The following TGS1 variants were observed in gnomAD, a reference collection of about 807,000 sequenced individuals.
TGS1 encodes the protein trimethylguanosine synthase 1.
TGS1 carries 69 observed loss-of-function variants against 92.2 expected under a neutral mutation model. That is an observed-to-expected ratio of 0.75 (90% confidence interval 0.62 to 0.91). The LOEUF is 0.91. Among genes scored for constraint, TGS1 ranks in the 40% least tolerant of loss-of-function variants. The pLI is 0.00. For missense variants in TGS1, 1,062 were observed against 1,001.2 expected (o/e 1.06, Z -0.82); for synonymous variants, 345 against 338.1 (o/e 1.02, Z -0.22).
intron 1 of TGS1, among the ~76,000 whole-genome samples, chr8:55,778,828 T>A (rs1012346726): frequency 1.3e-5 from 2 of 152,232 alleles, no homozygotes; most frequent in African/African-American, 4.8e-5. Flanking sequence ...ACTTCAGATA[T>A]TGCTAAGAAT....
chr8:55,816,163 CCTTT>C (rs1165434308), intron 12 of TGS1, among the ~76,000 whole-genome samples: 1 of 152,066 alleles, frequency 6.6e-6, no homozygotes, highest in East Asian at 1.9e-4. Context: ...GCCATGCTTT[CCTTT>C]CTTTCTTTCC....
chr8:55,799,325 T>C, intron 8 of TGS1, 105 bp downstream of exon 8: 1 of 1,069,092 alleles, frequency 9.4e-7, no homozygotes, highest in South Asian at 1.7e-5. Flanking sequence ...ACCTAAGGAG[T>C]CACTGCTACT....
At chr8:55,795,813 T>C (rs954815987) in intron 6 of TGS1, among the ~76,000 whole-genome samples, 165 bp from the exon 7 acceptor site, 2 of 152,196 alleles carry the variant, frequency 1.3e-5, no homozygotes, top group Non-Finnish European at 2.9e-5. Context: ...AGTTAGACCA[T>C]CAACTCTTCT....
chr8:55,785,535 G>A (rs1212112453), intron 2 of TGS1, among the ~76,000 whole-genome samples, 184 bp from the exon 3 acceptor site: 1 of 152,042 alleles, frequency 6.6e-6, no homozygotes, highest in Non-Finnish European at 1.5e-5. Flanking sequence ...CCTGCAGATA[G>A]CCCTTATACT....
intron 7 of TGS1, among the ~76,000 whole-genome samples, chr8:55,797,157 G>T (rs1428889335): frequency 5.3e-5 from 8 of 152,172 alleles, no homozygotes; most frequent in Non-Finnish European, 4.4e-5. Context: ...TCACAGTTCT[G>T]CAGGGCTGGG....
chr8:55,816,167 T>TA (rs1803472232), intron 12 of TGS1, among the ~76,000 whole-genome samples: 2 of 152,262 alleles, frequency 1.3e-5, no homozygotes, highest in East Asian at 3.9e-4. Flanking sequence ...TGCTTTCCTT[T>TA]CTTTCTTTCC....
chr8:55,800,777 G>A (rs1307269172), intron 8 of TGS1, among the ~76,000 whole-genome samples: 3 of 152,186 alleles, frequency 2.0e-5, no homozygotes, highest in Non-Finnish European at 4.4e-5. Flanking sequence ...GAATCATGAT[G>A]ACACTTTTTA....
intron 8 of TGS1, among the ~76,000 whole-genome samples, chr8:55,801,826 C>T (rs1211958314): frequency 6.6e-6 from 1 of 152,030 alleles, no homozygotes; most frequent in African/African-American, 2.4e-5. Context: ...TGACCTGCCT[C>T]AGCCTCCCAA....
At chr8:55,814,430 A>G (rs1803416973) in intron 12 of TGS1, among the ~76,000 whole-genome samples, 3 of 152,018 alleles carry the variant, frequency 2.0e-5, no homozygotes, top group Admixed American at 2.0e-4. Context: ...TCTTATTGTT[A>G]AGCAATGAAA....
chr8:55,802,820 T>G (rs1322160023), intron 9 of TGS1, among the ~76,000 whole-genome samples: 1 of 152,208 alleles, frequency 6.6e-6, no homozygotes, highest in Non-Finnish European at 1.5e-5. Context: ...CTCATACTTC[T>G]TAATACTTTA....
chr8:55,773,753 C>T (rs1811289888), intron 1 of TGS1, 34 bp downstream of exon 1: 2 of 1,534,728 alleles, frequency 1.3e-6, no homozygotes, highest in East Asian at 4.6e-5. Flanking sequence ...CATGTTCTAG[C>T]ACAGTCATTA....
chr8:55,774,683 G>A (rs1049380957), intron 1 of TGS1, among the ~76,000 whole-genome samples: 3 of 152,114 alleles, frequency 2.0e-5, no homozygotes, highest in Admixed American at 2.0e-4. Flanking sequence ...CATGTATTGA[G>A]TTTACTTCCT....
chr8:55,779,865 CTTTTTTTTCCTTTTT>C (rs1811513526), intron 1 of TGS1, among the ~76,000 whole-genome samples: 1 of 146,948 alleles, frequency 6.8e-6, no homozygotes, highest in South Asian at 2.2e-4. Flanking sequence ...CATATGTATT[CTTTTTTTTCCTTTTT>C]TTTTTTTTCT....
In TGS1 at chr8:55,820,989, G is replaced by A. The variant is rs952828420; in HGVS notation, c.2440-3592G>A. 3.3e-5 allele frequency among the ~76,000 whole-genome samples: 5 copies of A among 152,282 alleles called. No homozygotes were observed. The East Asian group carries it at 9.6e-4, about 29-fold the overall frequency. The stretch of plus-strand genomic sequence containing the variant: ...ATGGCATTCATTAAATTTGCCTGAA[G>A]CAAAGTTATTTGCTTGAACTACTAA... On this transcript the variant is annotated intron_variant, in intron 12 of 12. Coordinates refer to ENST00000260129, the MANE Select transcript of TGS1 (RefSeq NM_024831.8).
intron 11 of TGS1, 47 bp from the exon 12 acceptor site, chr8:55,812,993 T>G (rs967213413): frequency 7.5e-7 from 1 of 1,335,762 alleles, no homozygotes; most frequent in African/African-American, 1.4e-5. Flanking sequence ...TCTTTCTGAT[T>G]AGAAATTAGC....
intron 1 of TGS1, among the ~76,000 whole-genome samples, chr8:55,781,743 G>A (rs148399168): frequency 6.6e-6 from 1 of 152,318 alleles, no homozygotes; most frequent in East Asian, 1.9e-4. Context: ...AGAAGCAAGA[G>A]GATGTGAAAT....
intron 10 of TGS1, among the ~76,000 whole-genome samples, chr8:55,809,701 C>A (rs549495077): frequency 6.6e-6 from 1 of 152,338 alleles, no homozygotes; most frequent in South Asian, 2.1e-4. Context: ...TCCCAAAGTG[C>A]TGGGATTACA....
At chr8:55,814,223 TA>T (rs1161676171) in intron 12 of TGS1, among the ~76,000 whole-genome samples, 1 of 152,024 alleles carries the variant, frequency 6.6e-6, no homozygotes, top group African/African-American at 2.4e-5. Context: ...GCTGGGATTA[TA>T]GGTGTGAGCC....
rs770291384 is a variant in TGS1 at position 55,813,118 on chromosome 8, G to C, written c.2439G>C (p.Gln813His). The C allele has an allele frequency of 1.6e-5, 25 of 1,603,258 alleles. No individual in the cohort carries two copies. The highest frequency in any genetic ancestry group is 2.0e-5 in the Non-Finnish European group (24 of 1,171,876). ...YFLPRNADID[Q>H]VASLAGPGGQ... ...TTCCAAGAAATGCTGATATTGACCA[G>C]GTAAGCCATTACTGAAAAACTTCCA... The change falls in exon 12 of 13, where the codon CAG becomes CAC. Residue 813 changes from glutamine to histidine, a missense_variant and splice_region_variant. Transcript: ENST00000260129.
Sources: gnomAD v4.1 joint callset for allele counts (sites outside exome capture counted in the v4.1 genomes callset) on GRCh38, gnomAD v4.1.1 for gene constraint, MANE v1.5 for transcripts, NCBI Gene and HGNC (gene_info 2026-07-23, HGNC 2026-07-21) for gene names.